The following INPP4B variants were observed in gnomAD, a reference collection of about 807,000 sequenced individuals.
The protein encoded by INPP4B is inositol polyphosphate 4-phosphatase type II.
Under a neutral mutation model 122.5 loss-of-function variants are expected in INPP4B, and 55 were observed. The observed-to-expected ratio is 0.45, with a 90% confidence interval of 0.36 to 0.56. The LOEUF is 0.56. Ranked by LOEUF, INPP4B falls within the 20% of genes least tolerant of loss-of-function variation. The pLI is 0.00. For missense variants in INPP4B, 1,000 were observed against 1,097.7 expected (o/e 0.91, Z 1.26); for synonymous variants, 403 against 388.7 (o/e 1.04, Z -0.43).
chr4:142,499,210 G>T (rs1040766717), intron 2 of INPP4B, among the ~76,000 whole-genome samples: 1 of 152,122 alleles, frequency 6.6e-6, no homozygotes, highest in African/African-American at 2.4e-5. Flanking sequence ...CTAGGGAGCT[G>T]AAACTGAGTT....
intron 18 of INPP4B, among the ~76,000 whole-genome samples, chr4:142,134,119 C>G (rs566852170): frequency 3.3e-5 from 5 of 152,096 alleles, no homozygotes; most frequent in African/African-American, 1.2e-4. Context: ...AAAACAGTGC[C>G]TAGCACATAG....
At chr4:142,584,146 TACA>T (rs1735673356) in intron 2 of INPP4B, among the ~76,000 whole-genome samples, 1 of 152,016 alleles carries the variant, frequency 6.6e-6, no homozygotes, top group Non-Finnish European at 1.5e-5. Context: ...TTCTTTTCTT[TACA>T]ACAACATTTT....
intron 17 of INPP4B, among the ~76,000 whole-genome samples, chr4:142,157,756 T>C (rs537302033): frequency 2.0e-5 from 3 of 152,232 alleles, no homozygotes; most frequent in Non-Finnish European, 4.4e-5. Context: ...ACTCCAGCCT[T>C]GGCTGGCCCA....
At chr4:142,491,453 A>G (rs1407516182) in intron 2 of INPP4B, among the ~76,000 whole-genome samples, 1 of 152,166 alleles carries the variant, frequency 6.6e-6, no homozygotes, top group East Asian at 1.9e-4. Flanking sequence ...CAGGAGTTCA[A>G]GACCAGCCTG....
At chr4:142,067,543 A>C (rs943756022) in intron 25 of INPP4B, among the ~76,000 whole-genome samples, 1 of 152,198 alleles carries the variant, frequency 6.6e-6, no homozygotes, top group South Asian at 2.1e-4. Flanking sequence ...GAGCTAAAGG[A>C]GGATGTTCAA....
At chr4:142,494,248 T>C (rs1822241285) in intron 2 of INPP4B, among the ~76,000 whole-genome samples, 1 of 152,186 alleles carries the variant, frequency 6.6e-6, no homozygotes, top group Non-Finnish European at 1.5e-5. Context: ...TACATGACTC[T>C]GAAGATTGCA....
At chr4:142,350,290 T>G (rs570369827) in intron 7 of INPP4B, among the ~76,000 whole-genome samples, 5 of 152,152 alleles carry the variant, frequency 3.3e-5, no homozygotes, top group Non-Finnish European at 7.4e-5. Context: ...CCATTTTCTC[T>G]TCAATAATTG....
chr4:142,559,907 A>AC (rs35134379), intron 2 of INPP4B, among the ~76,000 whole-genome samples: 60,178 of 151,748 alleles, frequency 0.4, 13,300 homozygotes, highest in East Asian at 0.8. Flanking sequence ...TCACTCATGA[A>AC]ATAGTTTTTA....
At chr4:142,347,506 T>C (rs748908638) in intron 7 of INPP4B, 1 of 442,258 alleles carries the variant, frequency 2.3e-6, no homozygotes, top group Non-Finnish European at 4.5e-6. Context: ...GTTTGAACAC[T>C]TGCCTCAGGG....
chr4:142,402,282 TC>T (rs1219420615), intron 7 of INPP4B, among the ~76,000 whole-genome samples: 1 of 152,252 alleles, frequency 6.6e-6, no homozygotes, highest in African/African-American at 2.4e-5. Context: ...TTTCATTACC[TC>T]CCCAATAGCA....
At chr4:142,644,277 T>C (rs561263523) in intron 2 of INPP4B, among the ~76,000 whole-genome samples, 1 of 52,888 alleles carries the variant, frequency 1.9e-5, no homozygotes, top group South Asian at 7.6e-4. Flanking sequence ...GGAGGAGGAG[T>C]GGGGGAGGAG....
chr4:142,568,908 A>G (rs1732216540), intron 2 of INPP4B, among the ~76,000 whole-genome samples: 1 of 152,148 alleles, frequency 6.6e-6, no homozygotes. Context: ...TGGTAATTGC[A>G]AATGGATTAT....
At chr4:142,261,248 G>A (rs1739841344) in intron 10 of INPP4B, among the ~76,000 whole-genome samples, 1 of 152,142 alleles carries the variant, frequency 6.6e-6, no homozygotes, top group African/African-American at 2.4e-5. Context: ...TAAATGTGGT[G>A]CTCTCCCTCA....
chr4:142,362,592 A>C (rs1785836922), intron 7 of INPP4B, among the ~76,000 whole-genome samples: 1 of 152,008 alleles, frequency 6.6e-6, no homozygotes, highest in Non-Finnish European at 1.5e-5. Context: ...AATGTGAAAC[A>C]GGAGAGAAAT....
At chr4:142,058,153 T>C (rs1361798019) in intron 25 of INPP4B, among the ~76,000 whole-genome samples, 1 of 152,146 alleles carries the variant, frequency 6.6e-6, no homozygotes, top group Non-Finnish European at 1.5e-5. Flanking sequence ...TCTAACAGTA[T>C]CCTGTATTTG....
chr4:142,756,119 A>C (rs1282352724), intron 1 of INPP4B, among the ~76,000 whole-genome samples: 1 of 152,060 alleles, frequency 6.6e-6, no homozygotes, highest in Non-Finnish European at 1.5e-5. Flanking sequence ...ATGAGACAAG[A>C]GAGGAAGTCT....
At chr4:142,492,753 C>G (rs973701074) in intron 2 of INPP4B, among the ~76,000 whole-genome samples, 1 of 152,170 alleles carries the variant, frequency 6.6e-6, no homozygotes, top group Non-Finnish European at 1.5e-5. Context: ...GGAAAATTTG[C>G]AGCCTCAGGA....
Position 142,629,677 on chromosome 4 carries a change from G to A in INPP4B, c.-191+96162C>T, listed in dbSNP as rs149236672. 2.7e-3 allele frequency among the ~76,000 whole-genome samples: 408 copies of A among 152,170 alleles called. 1 individual carries two copies. The highest frequency in any genetic ancestry group is 4.0e-3 in the Non-Finnish European group (271 of 67,958). On this transcript the variant is annotated intron_variant, in intron 2 of 25. Coordinates refer to ENST00000262992, the MANE Select transcript of INPP4B (RefSeq NM_001101669.3). ...ACATGACACACTTGGAGGGAAAATT[G>A]AGAAGTTCACTGTGACAAGAATTAA...
intron 16 of INPP4B, among the ~76,000 whole-genome samples, chr4:142,168,214 T>C (rs1428956924): frequency 2.0e-5 from 3 of 151,624 alleles, no homozygotes; most frequent in Non-Finnish European, 4.4e-5. Context: ...CTTGGGTCTG[T>C]AGTTTCATTA....
Sources: allele counts gnomAD v4.1 joint callset (sites outside exome capture counted in the v4.1 genomes callset), GRCh38; gene constraint gnomAD v4.1.1; transcripts MANE v1.5; gene names NCBI Gene and HGNC (gene_info 2026-07-23, HGNC 2026-07-21).